The following OR2A12 variants were observed in gnomAD, a reference collection of about 807,000 sequenced individuals.
OR2A12 encodes the protein olfactory receptor family 2 subfamily A member 12, also known as olfactory receptor 2A12.
For missense variants in OR2A12, 380 were observed against 372.5 expected (o/e 1.02, Z -0.17); for synonymous variants, 153 against 149.3 (o/e 1.02, Z -0.18).
chr7:144,089,016 C>G (rs184809643), intron 1 of OR2A12, among the ~76,000 whole-genome samples: 7 of 152,198 alleles, frequency 4.6e-5, no homozygotes, highest in African/African-American at 1.4e-4. Context: ...AGAGGAGCAC[C>G]TTATATTCTA....
rs1212493488 is a variant in OR2A12, at chr7:144,098,139, T to C, written c.*2099T>C. ...CCAGCATATTTCAGAGTCTCATGCATTGTCTTGACTAGGTGACTTTCAATC... is the reference window on the plus strand; with the variant it reads ...CCAGCATATTTCAGAGTCTCATGCACTGTCTTGACTAGGTGACTTTCAATC... On this transcript the variant is annotated 3_prime_UTR_variant, in exon 2 of 2. Coordinates refer to ENST00000641592, the MANE Select transcript of OR2A12 (RefSeq NM_001004135.2). 2.0e-5 allele frequency: 3 copies of C among 152,204 alleles called. No homozygotes were observed. Among genetic ancestry groups the C allele is most frequent in the African/African-American group, 7.2e-5 (3 of 41,432 alleles). The allele number at this position is 152,204 out of a possible 1,614,324, so 9.4% of individuals were successfully genotyped here. A position where few individuals can be genotyped will look rare whatever the true frequency, so the allele number is the denominator to read the frequency against.
At chr7:144,091,643 G>A (rs982502266) in intron 1 of OR2A12, among the ~76,000 whole-genome samples, 4 of 151,786 alleles carry the variant, frequency 2.6e-5, no homozygotes, top group African/African-American at 4.9e-5. Flanking sequence ...ATGTTTGTTC[G>A]CTGCTTGTAT....
chr7:144,087,052 A>G (rs1460887943), intron 1 of OR2A12, among the ~76,000 whole-genome samples: 2 of 152,130 alleles, frequency 1.3e-5, no homozygotes, highest in South Asian at 2.1e-4. Flanking sequence ...ACTCTGGTTC[A>G]TGGTGTCAAA....
intron 1 of OR2A12, among the ~76,000 whole-genome samples, chr7:144,092,598 A>G (rs1057208821): frequency 6.6e-6 from 1 of 152,024 alleles, no homozygotes; most frequent in African/African-American, 2.4e-5. Flanking sequence ...TTTTGTGGCA[A>G]TTGTGAATGG....
At chr7:144,091,579 T>G (rs2051228313) in intron 1 of OR2A12, among the ~76,000 whole-genome samples, 1 of 152,202 alleles carries the variant, frequency 6.6e-6, no homozygotes, top group Admixed American at 6.5e-5. Flanking sequence ...GATATCTCAT[T>G]GTGGTTTTGA....
Position 144,096,084 on chromosome 7 carries a change from G to T in OR2A12, c.*44G>T. The T allele has an allele frequency of 7.2e-7, 1 of 1,387,970 alleles. No individual in the cohort carries two copies. The highest frequency in any genetic ancestry group is 9.9e-7 in the Non-Finnish European group (1 of 1,013,414). 86.0% of individuals were successfully genotyped at this position (1,387,970 alleles called of 1,614,324 possible). ...CTGAGTGTGTAAGCATGGTTCTCAT[G>T]ACCCTGGGTCCTGAAATTTCCTTTT... On this transcript the variant is annotated 3_prime_UTR_variant, in exon 2 of 2. Transcript: ENST00000641592.
At position 144,097,372 on chromosome 7, in the gene OR2A12, A is replaced by G. The variant is rs1483996058; in HGVS notation, c.*1332A>G. On this transcript the variant is annotated 3_prime_UTR_variant, in exon 2 of 2. Transcript: ENST00000641592. ...ACTATGGTAAATAAATAGATACACA[A>G]TGTGTGGTATGCCAAGTTCTTGGAC... The G allele has an allele frequency of 6.6e-6, 1 of 152,156 alleles. No individual in the cohort carries two copies. Among genetic ancestry groups the G allele is most frequent in the Non-Finnish European group, 1.5e-5 (1 of 68,014 alleles). The allele number at this position is 152,156 out of a possible 1,614,324, so 9.4% of individuals were successfully genotyped here. A position where few individuals can be genotyped will look rare whatever the true frequency, so the allele number is the denominator to read the frequency against.
At position 144,096,535 on chromosome 7, in the gene OR2A12, T is replaced by TG. The variant is rs1554415804; in HGVS notation, c.*495_*496insG. 1.3e-5 allele frequency: 2 copies of TG among 152,548 alleles called. No homozygotes were observed. Among genetic ancestry groups the TG allele is most frequent in the African/African-American group, 4.8e-5 (2 of 41,286 alleles). 9.4% of individuals were successfully genotyped at this position (152,548 alleles called of 1,614,324 possible). On this transcript the variant is annotated 3_prime_UTR_variant, in exon 2 of 2. Transcript: ENST00000641592. Reference sequence around the variant, plus strand: ...TAAGGCATTGATACCAAACCTGAGATAAACTTATGAAACAGAAAATCACAA... The same window carrying TG: ...TAAGGCATTGATACCAAACCTGAGATGAAACTTATGAAACAGAAAATCACAA...
rs1470136400 is a variant in OR2A12 at position 144,096,705 on chromosome 7, C to T, written c.*665C>T. The T allele has an allele frequency of 6.6e-6, 1 of 152,020 alleles. No homozygotes were observed. Among genetic ancestry groups the T allele is most frequent in the African/African-American group, 2.4e-5 (1 of 41,384 alleles). 9.4% of individuals were successfully genotyped at this position (152,020 alleles called of 1,614,324 possible). On this transcript the variant is annotated 3_prime_UTR_variant, in exon 2 of 2. Coordinates refer to ENST00000641592, the MANE Select transcript of OR2A12 (RefSeq NM_001004135.2). ...AATAATTTAACATTAAAACAAACAA[C>T]AAAAATAACTTCCCCACATTAACAA...
At chr7:144,089,591 G>C (rs1266035663) in intron 1 of OR2A12, among the ~76,000 whole-genome samples, 1 of 151,758 alleles carries the variant, frequency 6.6e-6, no homozygotes, top group African/African-American at 2.4e-5. Context: ...TTGGCCTGCT[G>C]TTGGATTGAT....
intron 1 of OR2A12, 155 bp from the exon 2 acceptor site, chr7:144,094,902 G>T (rs1380639445): frequency 4.1e-6 from 2 of 486,348 alleles, no homozygotes; most frequent in Non-Finnish European, 7.2e-6. Context: ...TTTAATATTA[G>T]TCAATAACTA....
intron 1 of OR2A12, among the ~76,000 whole-genome samples, chr7:144,089,130 T>C (rs1319231483): frequency 6.6e-6 from 1 of 152,236 alleles, no homozygotes; most frequent in African/African-American, 2.4e-5. Context: ...TCTATTTGAA[T>C]CTTGCAGTCT....
rs1308025731 is a variant in OR2A12, at chr7:144,087,634, G to A, written c.-52+1091G>A. ...CTTATTCCCTTTACATCCATTTAAA[G>A]GGAGAGATGTTTCTCACTTTTGAGA... On this transcript the variant is annotated intron_variant, in intron 1 of 1. Coordinates refer to ENST00000641592, the MANE Select transcript of OR2A12 (RefSeq NM_001004135.2). Among the ~76,000 whole-genome samples, 3 of 152,132 alleles carry A rather than the reference G, an allele frequency of 2.0e-5. No homozygotes were observed. In the East Asian group the frequency reaches 5.8e-4, roughly 29 times the overall value.
chr7:144,094,995 T>G (rs1461243347), intron 1 of OR2A12, 62 bp from the exon 2 acceptor site: 13 of 697,758 alleles, frequency 1.9e-5, no homozygotes, highest in Non-Finnish European at 3.1e-5. Context: ...AAATACTGAT[T>G]TGTGGCCTCT....
chr7:144,093,880 T>C (rs927367220), intron 1 of OR2A12, among the ~76,000 whole-genome samples: 1 of 151,930 alleles, frequency 6.6e-6, no homozygotes, highest in Non-Finnish European at 1.5e-5. Flanking sequence ...TCTATCATTG[T>C]TGGACATTTG....
Position 144,097,546 on chromosome 7 carries a change from C to T in OR2A12, c.*1506C>T, listed in dbSNP as rs996319049. ...TTCAAGGGACCAAGGCTAGCTCAAA[C>T]TCTATTAAAAGAGAAAGAGTACAAC... is the stretch of plus-strand genomic sequence containing the variant. On this transcript the variant is annotated 3_prime_UTR_variant, in exon 2 of 2. Coordinates refer to ENST00000641592, the MANE Select transcript of OR2A12 (RefSeq NM_001004135.2). 6.6e-6 allele frequency: 1 copy of T among 152,104 alleles called. No individual in the cohort carries two copies. The highest frequency in any genetic ancestry group is 1.5e-5 in the Non-Finnish European group (1 of 68,016). 9.4% of individuals were successfully genotyped at this position (152,104 alleles called of 1,614,324 possible).
At chr7:144,089,783 CCT>C (rs2051215395) in intron 1 of OR2A12, among the ~76,000 whole-genome samples, 4 of 151,948 alleles carry the variant, frequency 2.6e-5, no homozygotes. Context: ...CACACATCTC[CCT>C]CTGTTTACTT....
chr7:144,087,207 A>T (rs1225731920), intron 1 of OR2A12, among the ~76,000 whole-genome samples: 1 of 152,068 alleles, frequency 6.6e-6, no homozygotes, highest in Non-Finnish European at 1.5e-5. Flanking sequence ...CATCCTAGGA[A>T]TACCCTCCAG....
At position 144,090,767 on chromosome 7, in the gene OR2A12, A is replaced by G. The variant is rs990814921; in HGVS notation, c.-52+4224A>G. ...TCTTATCATTAAGCTCCCACATATA[A>G]ATGAGAATATGTGGTATTTGATTTT... On this transcript the variant is annotated intron_variant, in intron 1 of 1. Transcript: ENST00000641592. 2.0e-5 allele frequency among the ~76,000 whole-genome samples: 3 copies of G among 152,216 alleles called. No individual in the cohort carries two copies. The East Asian group carries it at 5.8e-4, about 29-fold the overall frequency.
Sources: allele counts gnomAD v4.1 joint callset (sites outside exome capture counted in the v4.1 genomes callset), GRCh38; gene constraint gnomAD v4.1.1; transcripts MANE v1.5; gene names NCBI Gene and HGNC (gene_info 2026-07-23, HGNC 2026-07-21).